The following EMSY variants were observed in gnomAD, a reference collection of about 807,000 sequenced individuals.
EMSY encodes the protein EMSY transcriptional repressor, BRCA2 interacting, also known as BRCA2-interacting transcriptional repressor EMSY.
Under a neutral mutation model 134.6 loss-of-function variants are expected in EMSY, and 26 were observed. That is an observed-to-expected ratio of 0.19 (90% CI 0.14 to 0.27). The LOEUF is 0.27. Among genes scored for constraint, EMSY ranks in the 10% least tolerant of loss-of-function variants. The pLI, the probability that EMSY is intolerant of heterozygous loss-of-function variation, is 1.00. For missense variants in EMSY, 1,305 were observed against 1,611.4 expected, an observed-to-expected ratio of 0.81 and a Z score of 3.26; for synonymous variants, 579 against 577.8, an observed-to-expected ratio of 1.00 and a Z score of -0.03.
At chr11:76,469,107 CT>C (rs1478545527) in intron 7 of EMSY, among the ~76,000 whole-genome samples, 4 of 152,122 alleles carry the variant, frequency 2.6e-5, no homozygotes, top group Non-Finnish European at 5.9e-5. Context: ...TATCTGTAAC[CT>C]AAAATATGCT....
chr11:76,472,499 CTG>C (rs1948613391), intron 7 of EMSY, 63 bp from the exon 9 acceptor site: 2 of 1,394,438 alleles, frequency 1.4e-6, no homozygotes, highest in South Asian at 2.7e-5. Context: ...ATATAACTAA[CTG>C]TGAGTCTAGA....
At chr11:76,521,571 T>C (rs1461900936) in intron 11 of EMSY, among the ~76,000 whole-genome samples, 1 of 151,568 alleles carries the variant, frequency 6.6e-6, no homozygotes, top group Non-Finnish European at 1.5e-5. Context: ...AAGACCAACC[T>C]GGGTAATGTA....
At chr11:76,447,888 A>T (rs2134701015) in intron 2 of EMSY, among the ~76,000 whole-genome samples, 1 of 152,340 alleles carries the variant, frequency 6.6e-6, no homozygotes, top group African/African-American at 2.4e-5. Flanking sequence ...TGAAAAAAAT[A>T]ATTTGAAAAA....
chr11:76,446,510 G>C (rs943905651), intron 1 of EMSY, among the ~76,000 whole-genome samples: 1 of 152,072 alleles, frequency 6.6e-6, no homozygotes, highest in Non-Finnish European at 1.5e-5. Flanking sequence ...ACTTGCCCCA[G>C]GTTGGTAGTA....
chr11:76,485,908 C>G (rs1392275064), intron 8 of EMSY, among the ~76,000 whole-genome samples: 2 of 152,072 alleles, frequency 1.3e-5, no homozygotes, highest in African/African-American at 4.8e-5. Context: ...TGGGCATATA[C>G]CCAAAGGATT....
chr11:76,482,723 A>C (rs1362192130), intron 8 of EMSY, among the ~76,000 whole-genome samples: 2 of 152,180 alleles, frequency 1.3e-5, no homozygotes, highest in African/African-American at 4.8e-5. Flanking sequence ...AAAGGAATGA[A>C]CAAAGCCTCC....
intron 8 of EMSY, among the ~76,000 whole-genome samples, chr11:76,495,528 A>C (rs958166238): frequency 1.3e-5 from 2 of 152,168 alleles, no homozygotes; most frequent in African/African-American, 4.8e-5. Flanking sequence ...AGTACTCCTT[A>C]CCTATGTGTG....
chr11:76,497,728 C>T (rs1423436812), intron 9 of EMSY, among the ~76,000 whole-genome samples: 2 of 151,954 alleles, frequency 1.3e-5, no homozygotes, highest in African/African-American at 2.4e-5. Flanking sequence ...TTGTATCTTT[C>T]TTTGTCAGAC....
At chr11:76,493,206 TGGCACTGAC>T (rs1451772004) in intron 8 of EMSY, among the ~76,000 whole-genome samples, 2 of 152,104 alleles carry the variant, frequency 1.3e-5, no homozygotes, top group Non-Finnish European at 2.9e-5. Flanking sequence ...CCACTTGGGG[TGGCACTGAC>T]GTGCCAGCCC....
At chr11:76,454,877 C>A in intron 4 of EMSY, 87 bp downstream of exon 5, 1 of 1,000,426 alleles carries the variant, frequency 1.0e-6, no homozygotes, top group Non-Finnish European at 1.4e-6. Flanking sequence ...GCACATTATT[C>A]CATTTATGAA....
chr11:76,472,435 G>A (rs1948610879), intron 7 of EMSY, 129 bp from the exon 9 acceptor site: 2 of 850,204 alleles, frequency 2.4e-6, no homozygotes, highest in Non-Finnish European at 3.5e-6. Context: ...ATTTTTAGTT[G>A]TATATTCTCT....
At chr11:76,454,653 G>A in intron 4 of EMSY, 96 bp from the exon 5 acceptor site, 1 of 726,196 alleles carries the variant, frequency 1.4e-6, no homozygotes, top group East Asian at 2.9e-5. Flanking sequence ...GCATTGGAAA[G>A]GTATTGTGGG....
chr11:76,492,171 C>T (rs1467175986), intron 8 of EMSY, among the ~76,000 whole-genome samples: 2 of 152,102 alleles, frequency 1.3e-5, no homozygotes, highest in Non-Finnish European at 2.9e-5. Context: ...GTGTTGAAGA[C>T]ATGGATTTAA....
rs750580687 is a variant in EMSY, at chr11:76,464,096, A to G, written c.831+16A>G. On this transcript the variant is annotated intron_variant, in intron 7 of 20. Coordinates refer to ENST00000334736, the Ensembl canonical transcript of EMSY. ...AACACAGAAGGTATGTGGTGGAGGG[A>G]GTCTCTGCCTGCCAATTGTTTCTTT... The G allele has an allele frequency of 3.1e-6, 5 of 1,613,450 alleles. No individual in the cohort carries two copies. The East Asian group carries it at 1.1e-4, about 36-fold the overall frequency.
chr11:76,478,203 A>G (rs533091041), intron 8 of EMSY, among the ~76,000 whole-genome samples: 4 of 152,300 alleles, frequency 2.6e-5, no homozygotes, highest in African/African-American at 7.2e-5. Context: ...TTTAAAAGTT[A>G]TTTAAAACCT....
intron 12 of EMSY, among the ~76,000 whole-genome samples, chr11:76,526,136 C>A (rs1253434639): frequency 6.6e-6 from 1 of 152,084 alleles, no homozygotes. Context: ...GTGTACTATA[C>A]CTTCTTCCAG....
At chr11:76,544,022 A>G (rs988010584) in intron 18 of EMSY, among the ~76,000 whole-genome samples, 11 of 152,138 alleles carry the variant, frequency 7.2e-5, no homozygotes, top group African/African-American at 2.7e-4. Flanking sequence ...CTAATCTGTA[A>G]GTTCTGGACC....
chr11:76,526,742 G>C (rs1042125520), intron 13 of EMSY, 107 bp downstream of exon 14: 10 of 1,125,752 alleles, frequency 8.9e-6, no homozygotes, highest in Non-Finnish European at 1.3e-5. Context: ...TAAGAAATCA[G>C]ATTGTTAAAA....
intron 1 of EMSY, among the ~76,000 whole-genome samples, chr11:76,445,755 G>T (rs571884390): frequency 1.3e-5 from 2 of 152,268 alleles, no homozygotes; most frequent in African/African-American, 4.8e-5. Context: ...AGCAGTCGCC[G>T]GCCGCCTCCA....
Sources: gnomAD v4.1 joint callset for allele counts (sites outside exome capture counted in the v4.1 genomes callset) on GRCh38, gnomAD v4.1.1 for gene constraint, MANE v1.5 for transcripts, NCBI Gene and HGNC (gene_info 2026-07-23, HGNC 2026-07-21) for gene names.